The following PARP8 variants were observed in gnomAD, a reference collection of about 807,000 sequenced individuals.
PARP8 encodes the protein poly(ADP-ribose) polymerase family member 8.
PARP8 carries 51 observed loss-of-function variants against 124.1 expected under a neutral mutation model. The ratio of observed to expected loss-of-function variants is 0.41; its 90% CI spans 0.33 to 0.52. The LOEUF (loss-of-function observed/expected upper bound fraction) is 0.52, where lower values mean the gene tolerates loss of function less well. PARP8 is among the 20% of genes least tolerant of loss of function. PARP8 has a pLI of 0.21. For missense variants in PARP8, 860 were observed against 1,018.9 expected (o/e 0.84, Z 2.12); for synonymous variants, 391 against 361.5 (o/e 1.08, Z -0.93).
intron 14 of PARP8, among the ~76,000 whole-genome samples, chr5:50,813,416 T>A (rs1379875065): frequency 6.6e-6 from 1 of 152,156 alleles, no homozygotes; most frequent in African/African-American, 2.4e-5. Flanking sequence ...TGTATAAGAA[T>A]GCTTGTGATT....
chr5:50,745,697 T>C (rs1383684034), intron 2 of PARP8, among the ~76,000 whole-genome samples: 1 of 152,208 alleles, frequency 6.6e-6, no homozygotes, highest in African/African-American at 2.4e-5. Flanking sequence ...TTGGTTGAGA[T>C]GGTAGGCTGT....
At chr5:50,835,678 A>G (rs923135291) in intron 25 of PARP8, among the ~76,000 whole-genome samples, 6 of 152,224 alleles carry the variant, frequency 3.9e-5, no homozygotes, top group African/African-American at 1.4e-4. Context: ...AACTGGGATG[A>G]AGAATACAAT....
At chr5:50,765,351 C>G (rs1760958574) in intron 7 of PARP8, among the ~76,000 whole-genome samples, 2 of 152,046 alleles carry the variant, frequency 1.3e-5, no homozygotes, top group African/African-American at 4.8e-5. Flanking sequence ...TCTAAAACAT[C>G]TTTCCATGCT....
At chr5:50,699,228 C>T (rs764593149) in intron 2 of PARP8, among the ~76,000 whole-genome samples, 23 of 152,066 alleles carry the variant, frequency 1.5e-4, no homozygotes, top group Non-Finnish European at 2.8e-4. Flanking sequence ...TAAATGACTG[C>T]CCAAGTGAAT....
intron 3 of PARP8, among the ~76,000 whole-genome samples, chr5:50,754,152 C>CATATACATATACATAT (rs764110606): frequency 2.2e-5 from 1 of 45,318 alleles, no homozygotes; most frequent in African/African-American, 8.5e-5. Context: ...TATATATATA[C>CATATACATATACATAT]ACACACACAC....
chr5:50,739,259 G>A (rs892898851), intron 2 of PARP8, among the ~76,000 whole-genome samples: 1 of 152,184 alleles, frequency 6.6e-6, no homozygotes, highest in African/African-American at 2.4e-5. Flanking sequence ...TGGGAGAAGG[G>A]ATTCTCCTCA....
intron 2 of PARP8, among the ~76,000 whole-genome samples, chr5:50,725,008 A>G (rs1756275353): frequency 6.6e-6 from 1 of 151,816 alleles, no homozygotes; most frequent in African/African-American, 2.4e-5. Flanking sequence ...AGTGCCATTT[A>G]TGTTGCTGTA....
chr5:50,747,163 G>GTTTTTTTTTTTTTTTTTTTTTTTT lies in PARP8; in HGVS notation c.147-2971_147-2970insTTTTTTTTTTTTTTTTTTTTTTTT. 2.4e-3 allele frequency among the ~76,000 whole-genome samples: 227 copies of GTTTTTTTTTTTTTTTTTTTTTTTT among 95,506 alleles called. 3 individuals carry two copies. The highest frequency in any genetic ancestry group is 3.5e-3 in the East Asian group (11 of 3,136). The allele number at this position is 95,506 out of a possible 152,430, so 62.7% of individuals were successfully genotyped here. The stretch of plus-strand genomic sequence containing the variant: ...ATGGTTTTTTTTGTTTGTTTGTTTT[G>GTTTTTTTTTTTTTTTTTTTTTTTT]TTTTTTTTTTTTTTTTTGTCTCTTC... On this transcript the variant is annotated intron_variant, in intron 2 of 25. Transcript: ENST00000281631.
intron 15 of PARP8, among the ~76,000 whole-genome samples, chr5:50,817,048 T>A (rs1404214805): frequency 6.6e-6 from 1 of 152,188 alleles, no homozygotes; most frequent in Non-Finnish European, 1.5e-5. Flanking sequence ...GTAGTATACT[T>A]AAAATTCACA....
chr5:50,666,927 T>C lies in PARP8; in HGVS notation c.-169T>C, dbSNP rs1003382965. On this transcript the variant is annotated 5_prime_UTR_variant, in exon 1 of 26. Coordinates refer to ENST00000281631, the MANE Select transcript of PARP8 (RefSeq NM_024615.4). Reference sequence around the variant, plus strand: ...CCCCTCCTCCTCCTCCTCCCCCTCCTCCTCCTCCTCTTCTCTCACCCAGGA... The same window carrying C: ...CCCCTCCTCCTCCTCCTCCCCCTCCCCCTCCTCCTCTTCTCTCACCCAGGA... 41 of 1,146,640 alleles carry C rather than the reference T, an allele frequency of 3.6e-5. No individual in the cohort carries two copies. Among genetic ancestry groups the C allele is most frequent in the African/African-American group, 1.6e-4 (10 of 61,006 alleles). 71.0% of individuals were successfully genotyped at this position (1,146,640 alleles called of 1,614,324 possible).
chr5:50,811,672 G>A (rs1744462438), intron 14 of PARP8, among the ~76,000 whole-genome samples: 1 of 151,968 alleles, frequency 6.6e-6, no homozygotes. Context: ...CATGTGCCAT[G>A]TTGGTTTGCT....
chr5:50,842,256 T>C lies in PARP8; in HGVS notation c.*188T>C, dbSNP rs1327357360. The stretch of plus-strand genomic sequence containing the variant: ...CTAAAATGGTATAAGATTTATCAAT[T>C]GTAGGGTTATGGAATCTAGTAATAA... On this transcript the variant is annotated 3_prime_UTR_variant, in exon 26 of 26. Transcript: ENST00000281631. 1 of 445,346 alleles carries C rather than the reference T, an allele frequency of 2.2e-6. No individual in the cohort carries two copies. Among genetic ancestry groups the C allele is most frequent in the Admixed American group, 4.5e-5 (1 of 22,418 alleles). The allele number at this position is 445,346 out of a possible 1,614,324, so 27.6% of individuals were successfully genotyped here. A position where few individuals can be genotyped will look rare whatever the true frequency, so the allele number is the denominator to read the frequency against.
chr5:50,760,439 G>A (rs1760433726), intron 5 of PARP8, 77 bp downstream of exon 5: 2 of 1,136,626 alleles, frequency 1.8e-6, no homozygotes, highest in Non-Finnish European at 1.2e-6. Flanking sequence ...GTAGTTAATA[G>A]CATCATTAGT....
At position 50,824,940 on chromosome 5, in the gene PARP8, T is replaced by C; in HGVS notation, c.1893T>C (p.Asp631=). The change falls in exon 18 of 26, where the codon GAT becomes GAC. Residue 631 remains aspartate, a synonymous_variant. Transcript: ENST00000281631. ...ATCTGGAAATCAAGAAGCAAATGGA[T>C]AAACAGGACCCCCTTGCTCATCCCT... ...APYLEIKKQM[D]KQDPLAHPLL... The C allele has an allele frequency of 6.2e-7, 1 of 1,613,392 alleles. No individual in the cohort carries two copies. Among genetic ancestry groups the C allele is most frequent in the Non-Finnish European group, 8.5e-7 (1 of 1,179,442 alleles).
chr5:50,815,269 T>A lies in PARP8; in HGVS notation c.1576-163T>A, dbSNP rs28377009. Among the ~76,000 whole-genome samples the A allele has an allele frequency of 2.2e-3, 337 of 152,334 alleles. 1 individual carries two copies. The highest frequency in any genetic ancestry group is 7.7e-3 in the African/African-American group (320 of 41,588). Reference sequence around the variant, plus strand: ...TAGTAAATGACTCTTTACTAATTGTTACCTAAATTTAAGAATTTATTTCGT... The same window carrying A: ...TAGTAAATGACTCTTTACTAATTGTAACCTAAATTTAAGAATTTATTTCGT... On this transcript the variant is annotated intron_variant, in intron 14 of 25. Coordinates refer to ENST00000281631, the MANE Select transcript of PARP8 (RefSeq NM_024615.4).
chr5:50,709,955 T>TATATATATACACAC (rs149858890), intron 2 of PARP8, among the ~76,000 whole-genome samples: 1 of 103,322 alleles, frequency 9.7e-6, no homozygotes, highest in Non-Finnish European at 2.0e-5. Flanking sequence ...TATATATATA[T>TATATATATACACAC]ACACATACAT....
chr5:50,695,672 A>G (rs1752946974), intron 2 of PARP8, among the ~76,000 whole-genome samples: 1 of 107,364 alleles, frequency 9.3e-6, no homozygotes, highest in Non-Finnish European at 2.4e-5. Flanking sequence ...GTAATGGACT[A>G]TTTCTAAATT....
At chr5:50,820,058 T>A (rs1271335850) in intron 15 of PARP8, among the ~76,000 whole-genome samples, 1 of 152,196 alleles carries the variant, frequency 6.6e-6, no homozygotes, top group Non-Finnish European at 1.5e-5. Context: ...CTTGTGGATA[T>A]GCATGTCTAT....
chr5:50,838,006 C>A (rs1269258014), intron 25 of PARP8, among the ~76,000 whole-genome samples: 3 of 150,146 alleles, frequency 2.0e-5, no homozygotes, highest in Non-Finnish European at 4.5e-5. Context: ...ACATTGAGAC[C>A]CATATGTAGA....
Sources: allele counts gnomAD v4.1 joint callset (sites outside exome capture counted in the v4.1 genomes callset), GRCh38; gene constraint gnomAD v4.1.1; transcripts MANE v1.5; gene names NCBI Gene and HGNC (gene_info 2026-07-23, HGNC 2026-07-21).